The following ACTR5 variants were observed in gnomAD, a reference collection of about 807,000 sequenced individuals.
ACTR5 encodes the protein actin related protein 5, also known as actin-related protein 5.
In ACTR5, 43 loss-of-function variants were observed where a neutral mutation model predicts 61.2. The ratio of observed to expected loss-of-function variants is 0.70; its 90% confidence interval spans 0.55 to 0.91. The LOEUF (loss-of-function observed/expected upper bound fraction) is 0.91, where lower values mean the gene tolerates loss of function less well. Among genes scored for constraint, ACTR5 ranks in the 40% least tolerant of loss-of-function variants. The pLI is 0.00. For synonymous variants in ACTR5, 333 were observed against 310.5 expected (o/e 1.07, Z -0.76); for missense variants, 798 against 782.2 (o/e 1.02, Z -0.24).
rs147748065 is a variant in ACTR5 at position 38,768,598 on chromosome 20, GC to G, written c.1566+1003del. Among the ~76,000 whole-genome samples the G allele has an allele frequency of 1.7e-3, 252 of 152,278 alleles. 2 individuals are homozygous for G. Among genetic ancestry groups the G allele is most frequent in the African/African-American group, 5.0e-3 (207 of 41,552 alleles). On this transcript the variant is annotated intron_variant, in intron 8 of 8. Transcript: ENST00000243903. ...CAGTGTCTAGGGTTTTTATTTGGGGGCTGATCACATAGGCACCCCCTGCTTG... is the reference window on the plus strand; with the variant it reads ...CAGTGTCTAGGGTTTTTATTTGGGGGTGATCACATAGGCACCCCCTGCTTG...
In ACTR5 at chr20:38,771,948, C is replaced by T. The variant is rs1372697396; in HGVS notation, c.*132C>T. ...CATTTGGCAGCAAAATGGATTTCTC[C>T]TGGGGAGAACAAAGTTAAGGGACAC... On this transcript the variant is annotated 3_prime_UTR_variant, in exon 9 of 9. Transcript: ENST00000243903. 3.8e-6 allele frequency: 5 copies of T among 1,318,178 alleles called. No individual in the cohort carries two copies. The highest frequency in any genetic ancestry group is 2.6e-5 in the Admixed American group (1 of 38,074). The allele number at this position is 1,318,178 out of a possible 1,614,324, so 81.7% of individuals were successfully genotyped here. A position where few individuals can be genotyped will look rare whatever the true frequency, so the allele number is the denominator to read the frequency against.
At chr20:38,754,861 T>A in intron 3 of ACTR5, 96 bp from the exon 4 acceptor site, 1 of 1,250,144 alleles carries the variant, frequency 8.0e-7, no homozygotes, top group Non-Finnish European at 1.1e-6. Context: ...AGTGCTGGGA[T>A]TACAGGCGTG....
rs539278977 is a variant in ACTR5, at chr20:38,771,927, T to G, written c.*111T>G. Reference sequence around the variant, plus strand: ...CCTGCCCAAGTCTGCTGGTCACATTTGGCAGCAAAATGGATTTCTCCTGGG... The same window carrying G: ...CCTGCCCAAGTCTGCTGGTCACATTGGGCAGCAAAATGGATTTCTCCTGGG... On this transcript the variant is annotated 3_prime_UTR_variant, in exon 9 of 9. Transcript: ENST00000243903. 554 of 1,423,026 alleles carry G rather than the reference T, an allele frequency of 3.9e-4. No homozygotes were observed. The highest frequency in any genetic ancestry group is 4.8e-4 in the Non-Finnish European group (518 of 1,075,918). The allele number at this position is 1,423,026 out of a possible 1,614,324, so 88.1% of individuals were successfully genotyped here.
At position 38,766,266 on chromosome 20, in the gene ACTR5, A is replaced by G; in HGVS notation, c.1322A>G (p.Gln441Arg). Residue 441 changes from glutamine to arginine, a missense_variant, in exon 7 of 9, where the codon CAG (glutamine) becomes CGG (arginine). Coordinates refer to ENST00000243903, the MANE Select transcript of ACTR5 (RefSeq NM_024855.4). ...QPVFNLAAYHQLFVGTERIRA... is the reference protein window; with the variant it reads ...QPVFNLAAYHRLFVGTERIRA... ...GTGTTTAACTTGGCAGCATATCATC[A>G]GCTATTTGTTGGGACAGAAAGAATT... 1.2e-6 allele frequency: 2 copies of G among 1,613,392 alleles called. No homozygotes were observed. The highest frequency in any genetic ancestry group is 4.5e-5 in the East Asian group (2 of 44,880).
rs1047824393 is a variant in ACTR5, at chr20:38,748,792, A to G, written c.314A>G (p.Asn105Ser). 15 of 1,609,424 alleles carry G rather than the reference A, an allele frequency of 9.3e-6. No homozygotes were observed. In the Admixed American group the frequency reaches 2.3e-4, roughly 25 times the overall value. The change falls in exon 1 of 9, where the codon AAC (asparagine) becomes AGC (serine). Residue 105 changes from asparagine to serine, a missense_variant. Coordinates refer to ENST00000243903, the MANE Select transcript of ACTR5 (RefSeq NM_024855.4). ...CCCTTCGACCGCAACGTGCCGGTCA[A>G]CCTGGAGCTTCAGGAGTTGCTGCTG... ...RSPFDRNVPV[N>S]LELQELLLDY... is the part of the protein sequence containing the mutation.
chr20:38,765,787 T>C (rs2084482833), intron 6 of ACTR5, among the ~76,000 whole-genome samples: 3 of 152,244 alleles, frequency 2.0e-5, no homozygotes, highest in Admixed American at 2.0e-4. Flanking sequence ...TACTGGCTTG[T>C]AATAGTTTCA....
At chr20:38,761,214 C>T (rs1455686052) in intron 5 of ACTR5, among the ~76,000 whole-genome samples, 1 of 152,200 alleles carries the variant, frequency 6.6e-6, no homozygotes, top group Non-Finnish European at 1.5e-5. Flanking sequence ...AGTCACCGTG[C>T]CTGGCCCTGA....
At position 38,748,547 on chromosome 20, in the gene ACTR5, G is replaced by A. The variant is rs2084366250; in HGVS notation, c.69G>A (p.Pro23=). The A allele has an allele frequency of 6.6e-7, 1 of 1,511,150 alleles. No homozygotes were observed. Among genetic ancestry groups the A allele is most frequent in the African/African-American group, 1.5e-5 (1 of 68,866 alleles). The allele number at this position is 1,511,150 out of a possible 1,614,324, so 93.6% of individuals were successfully genotyped here. A position where few individuals can be genotyped will look rare whatever the true frequency, so the allele number is the denominator to read the frequency against. ...AAPDPVLEAG[P]VAHGPLPVPL... is the part of the protein sequence containing the mutation. ...CGGACCCAGTGCTGGAGGCCGGCCC[G>A]GTGGCACACGGGCCACTGCCGGTAC... The change falls in exon 1 of 9, where the codon CCG becomes CCA. Residue 23 remains proline, a synonymous_variant. Coordinates refer to ENST00000243903, the MANE Select transcript of ACTR5 (RefSeq NM_024855.4).
At position 38,748,669 on chromosome 20, in the gene ACTR5, T is replaced by A; in HGVS notation, c.191T>A (p.Val64Glu). 18 of 1,518,910 alleles carry A rather than the reference T, an allele frequency of 1.2e-5. No homozygotes were observed. Among genetic ancestry groups the A allele is most frequent in the Non-Finnish European group, 1.4e-5 (16 of 1,135,968 alleles). 94.1% of individuals were successfully genotyped at this position (1,518,910 alleles called of 1,614,324 possible). Residue 64 changes from valine to glutamate, a missense_variant, in exon 1 of 9, where the codon GTG becomes GAG. By Grantham distance (121) the Val-to-Glu change is moderately radical (BLOSUM62 -2). Transcript: ENST00000243903. The part of the protein sequence containing the change: ...GPEPRLQFRA[V>E]CARGRGGARG... ...GAGCCGCGCCTGCAGTTCCGCGCGG[T>A]GTGCGCCCGCGGTCGTGGCGGGGCA...
intron 3 of ACTR5, among the ~76,000 whole-genome samples, chr20:38,752,888 A>G (rs558527286): frequency 2.2e-4 from 33 of 152,358 alleles, no homozygotes; most frequent in African/African-American, 7.7e-4. Flanking sequence ...CAGCTGACCA[A>G]TAATGAGCTC....
chr20:38,757,591 T>G (rs2084428099), intron 5 of ACTR5, among the ~76,000 whole-genome samples: 1 of 151,984 alleles, frequency 6.6e-6, no homozygotes, highest in Admixed American at 6.6e-5. Context: ...TGATGCTGGG[T>G]GTAGCATAGT....
rs2084418397 is a variant in ACTR5, at chr20:38,756,049, G to A, written c.1176+10G>A. The A allele has an allele frequency of 1.9e-6, 3 of 1,606,470 alleles. No individual in the cohort carries two copies. Among genetic ancestry groups the A allele is most frequent in the African/African-American group, 1.3e-5 (1 of 74,658 alleles). On this transcript the variant is annotated intron_variant, in intron 5 of 8. Transcript: ENST00000243903. ...AGACAGCAAGCCAGAGGTAACTTAG[G>A]GCCTTGGAAGGAGCAGCCCTTCTTG...
chr20:38,754,874 C>G (rs2757520), intron 3 of ACTR5, 83 bp from the exon 4 acceptor site: 359,211 of 1,409,974 alleles, frequency 0.25, 46,633 homozygotes, highest in Middle Eastern at 0.33. Flanking sequence ...CAGGCGTGAG[C>G]CCCTGCGCCC....
chr20:38,752,457 T>C (rs2254585), intron 3 of ACTR5, among the ~76,000 whole-genome samples, 157 bp downstream of exon 3: 64,203 of 152,042 alleles, frequency 0.42, 13,567 homozygotes, highest in Middle Eastern at 0.49. Context: ...TGATAACTTA[T>C]GTTGTATAGG....
At chr20:38,765,641 T>A in intron 6 of ACTR5, 123 bp downstream of exon 6, 1 of 757,996 alleles carries the variant, frequency 1.3e-6, no homozygotes, top group Non-Finnish European at 2.2e-6. Flanking sequence ...TACCAATACT[T>A]AAAACATCTG....
Position 38,748,623 on chromosome 20 carries a change from C to G in ACTR5, c.145C>G (p.Pro49Ala). The change falls in exon 1 of 9, where the codon CCC becomes GCC. Residue 49 changes from proline to alanine, a missense_variant. Coordinates refer to ENST00000243903, the MANE Select transcript of ACTR5 (RefSeq NM_024855.4). ...SFQVRAGWAC[P>A]GQDPGPEPRL... Reference sequence around the variant, plus strand: ...CCAAGTCCGCGCTGGCTGGGCGTGTCCCGGGCAGGACCCAGGTCCCGAGCC... The same window carrying G: ...CCAAGTCCGCGCTGGCTGGGCGTGTGCCGGGCAGGACCCAGGTCCCGAGCC... 2 of 1,523,028 alleles carry G rather than the reference C, an allele frequency of 1.3e-6. No individual in the cohort carries two copies. The highest frequency in any genetic ancestry group is 1.2e-5 in the South Asian group (1 of 81,574). 94.3% of individuals were successfully genotyped at this position (1,523,028 alleles called of 1,614,324 possible).
chr20:38,756,241 G>A (rs1601196932), intron 5 of ACTR5, among the ~76,000 whole-genome samples: 2 of 152,178 alleles, frequency 1.3e-5, no homozygotes, highest in South Asian at 2.1e-4. Flanking sequence ...ACCCCTGAGC[G>A]CAGAAAGTGC....
At position 38,771,689 on chromosome 20, in the gene ACTR5, A is replaced by G. The variant is rs775317288; in HGVS notation, c.1697A>G (p.Lys566Arg). The part of the protein sequence containing the change: ...EYEEKGGEYL[K>R]EHCASNIYVP... ...GAAGAAAAGGGAGGAGAGTACCTCA[A>G]GGAGCACTGTGCTTCCAACATCTAT... Residue 566 changes from lysine to arginine, a missense_variant, in exon 9 of 9, where the codon AAG (lysine) becomes AGG (arginine). Physicochemically the swap from Lys to Arg is conservative, Grantham distance 26. Coordinates refer to ENST00000243903, the MANE Select transcript of ACTR5 (RefSeq NM_024855.4). 8.7e-6 allele frequency: 14 copies of G among 1,614,096 alleles called. No individual in the cohort carries two copies. Among genetic ancestry groups the G allele is most frequent in the Non-Finnish European group, 1.2e-5 (14 of 1,180,038 alleles).
intron 3 of ACTR5, among the ~76,000 whole-genome samples, chr20:38,753,776 T>C (rs2084400841): frequency 1.3e-5 from 2 of 152,204 alleles, no homozygotes; most frequent in African/African-American, 4.8e-5. Context: ...ATTATTCATA[T>C]GCTTGGATTT....
Sources: gnomAD v4.1 joint callset for allele counts (sites outside exome capture counted in the v4.1 genomes callset) on GRCh38, gnomAD v4.1.1 for gene constraint, MANE v1.5 for transcripts, NCBI Gene and HGNC (gene_info 2026-07-23, HGNC 2026-07-21) for gene names.